The following KCNV2 variants were observed in gnomAD, a reference collection of about 807,000 sequenced individuals.
KCNV2 encodes potassium voltage-gated channel subfamily V member 2.
KCNV2 carries 65 observed loss-of-function variants against 37.0 expected under a neutral mutation model. The observed-to-expected ratio is 1.76, with a 90% CI of 1.44 to 2.16. The LOEUF (loss-of-function observed/expected upper bound fraction) is 2.16, where lower values mean the gene tolerates loss of function less well. Ranked by LOEUF, KCNV2 falls within the 30% of genes most tolerant of loss-of-function variation. The probability of loss-of-function intolerance (pLI) is 0.00; values close to 1 mark genes in which losing one functional copy is unlikely to be tolerated. For synonymous variants in KCNV2, 518 were observed against 328.6 expected (o/e 1.58, Z -6.23); for missense variants, 1,232 against 766.7 (o/e 1.61, Z -7.17).
At position 2,722,507 on chromosome 9, in the gene KCNV2, G is replaced by C. The variant is rs543398858; in HGVS notation, c.1356+3412G>C. Among the ~76,000 whole-genome samples the C allele has an allele frequency of 5.8e-3, 738 of 126,442 alleles. 15 individuals are homozygous for C. Among genetic ancestry groups the C allele is most frequent in the Non-Finnish European group, 9.9e-3 (625 of 63,264 alleles). 83.0% of individuals were successfully genotyped at this position (126,442 alleles called of 152,430 possible). A position where few individuals can be genotyped will look rare whatever the true frequency, so the allele number is the denominator to read the frequency against. ...ATAAATAGAAGTTATTTATAAATAA[G>C]TTATTTATAAATAAAAGTTATTTAT... On this transcript the variant is annotated intron_variant, in intron 1 of 1. Transcript: ENST00000382082.
chr9:2,723,812 C>T (rs757336105), intron 1 of KCNV2, among the ~76,000 whole-genome samples: 31 of 152,224 alleles, frequency 2.0e-4, no homozygotes, highest in Admixed American at 1.3e-4. Context: ...TCCAGATAAA[C>T]AGGCCCACGC....
intron 1 of KCNV2, among the ~76,000 whole-genome samples, chr9:2,725,974 T>G (rs1236358500): frequency 2.0e-5 from 3 of 152,332 alleles, no homozygotes; most frequent in African/African-American, 7.2e-5. Context: ...AAGGAAAGTA[T>G]GTACGTTTAC....
chr9:2,718,921 C>T lies in KCNV2; in HGVS notation c.1182C>T (p.Ser394=), dbSNP rs762855201. 29 of 1,609,236 alleles carry T rather than the reference C, an allele frequency of 1.8e-5. No homozygotes were observed. The highest frequency in any genetic ancestry group is 2.4e-5 in the Non-Finnish European group (28 of 1,179,998). ...GCATCCTCAAGCTGGCGCGCCACTC[C>T]ACCGGACTGCGTGCCTTCGGCTTCA... ...IFRILKLARH[S]TGLRAFGFTL... Residue 394 remains serine, a synonymous_variant, in exon 1 of 2, where the codon TCC becomes TCT. Coordinates refer to ENST00000382082, the MANE Select transcript of KCNV2 (RefSeq NM_133497.4).
At chr9:2,726,670 C>T (rs1190699854) in intron 1 of KCNV2, among the ~76,000 whole-genome samples, 3 of 152,132 alleles carry the variant, frequency 2.0e-5, no homozygotes, top group East Asian at 1.9e-4. Flanking sequence ...ATTGGACTTC[C>T]GTGGATGTCT....
intron 1 of KCNV2, among the ~76,000 whole-genome samples, chr9:2,726,668 TC>T (rs1487581299): frequency 6.6e-6 from 1 of 152,148 alleles, no homozygotes. Context: ...GCATTGGACT[TC>T]CGTGGATGTC....
At position 2,724,315 on chromosome 9, in the gene KCNV2, T is replaced by G. The variant is rs560058903; in HGVS notation, c.1357-5131T>G. Among the ~76,000 whole-genome samples the G allele has an allele frequency of 6.6e-5, 10 of 152,370 alleles. No homozygotes were observed. In the East Asian group the frequency reaches 1.9e-3, roughly 29 times the overall value. The stretch of plus-strand genomic sequence containing the variant: ...ACTTACAAGATCACTGAAATTATTT[T>G]ATTTTTGTTCATTGATTGCTTTGAG... On this transcript the variant is annotated intron_variant, in intron 1 of 1. Transcript: ENST00000382082.
In KCNV2 at chr9:2,718,647, A is replaced by C. The variant is rs775558767; in HGVS notation, c.908A>C (p.Glu303Ala). 6.2e-7 allele frequency: 1 copy of C among 1,613,246 alleles called. No individual in the cohort carries two copies. The highest frequency in any genetic ancestry group is 1.1e-5 in the South Asian group (1 of 91,084). Residue 303 changes from glutamate (E) to alanine (A), a missense_variant, in exon 1 of 2, where the codon GAG becomes GCG. Transcript: ENST00000382082. ...GGCCCAGACCTGCGGCCCATCCTGG[A>C]GCACGTGGAGATGCTGTGCATGGGC... The part of the protein sequence containing the change: ...EGGPDLRPIL[E>A]HVEMLCMGFF...
At position 2,718,419 on chromosome 9, in the gene KCNV2, A is replaced by C. The variant is rs1294428392; in HGVS notation, c.680A>C (p.Glu227Ala). 3.7e-6 allele frequency: 6 copies of C among 1,604,314 alleles called. No homozygotes were observed. Among genetic ancestry groups the C allele is most frequent in the Non-Finnish European group, 5.1e-6 (6 of 1,176,446 alleles). ...GAGCTGCGCGCGCAGGCGCAGGTCGAGGAGGCGGAGGAACTCTTCCGCGAC... is the reference window on the plus strand; with the variant it reads ...GAGCTGCGCGCGCAGGCGCAGGTCGCGGAGGCGGAGGAACTCTTCCGCGAC... The part of the protein sequence containing the change: ...QHELRAQAQV[E>A]EAEELFRDMR... The change falls in exon 1 of 2, where the codon GAG (glutamate) becomes GCG (alanine). Residue 227 changes from glutamate to alanine, a missense_variant. By Grantham distance (107) the Glu-to-Ala change is moderately radical. Transcript: ENST00000382082.
intron 1 of KCNV2, among the ~76,000 whole-genome samples, chr9:2,722,741 G>A (rs527815716): frequency 2.0e-5 from 3 of 152,114 alleles, no homozygotes; most frequent in Non-Finnish European, 4.4e-5. Context: ...AAAAGTCAGC[G>A]TATACTCTGA....
In KCNV2 at chr9:2,729,685, G is replaced by C; in HGVS notation, c.1596G>C (p.Leu532Phe). ...CCAGAAAGAAGATAGCTGAGTGTTTGCTTGGAAGCAACCCACAGCTCACCC... is the reference window on the plus strand; with the variant it reads ...CCAGAAAGAAGATAGCTGAGTGTTTCCTTGGAAGCAACCCACAGCTCACCC... Reference protein sequence around the residue: ...QRARKKIAECLLGSNPQLTPR... With the variant: ...QRARKKIAECFLGSNPQLTPR... The change falls in exon 2 of 2, where the codon TTG (leucine) becomes TTC (phenylalanine). Residue 532 changes from leucine to phenylalanine, a missense_variant. Transcript: ENST00000382082. 1 of 1,614,104 alleles carries C rather than the reference G, an allele frequency of 6.2e-7. No homozygotes were observed. The highest frequency in any genetic ancestry group is 1.1e-5 in the South Asian group (1 of 91,078).
chr9:2,727,486 CACTT>C (rs1352504345), intron 1 of KCNV2, among the ~76,000 whole-genome samples: 2 of 152,178 alleles, frequency 1.3e-5, no homozygotes, highest in African/African-American at 4.8e-5. Flanking sequence ...CCCACAATCT[CACTT>C]TATCACTGCC....
In KCNV2 at chr9:2,729,835, C is replaced by A. The variant is rs928466669; in HGVS notation, c.*108C>A. On this transcript the variant is annotated 3_prime_UTR_variant, in exon 2 of 2. Transcript: ENST00000382082. ...AAAGGAAATGTGAAGCAGACATACA[C>A]AAAGGCCATTTCGTTCACAAAGTAC... is the stretch of plus-strand genomic sequence containing the variant. 6.6e-6 allele frequency: 8 copies of A among 1,203,522 alleles called. No homozygotes were observed. The highest frequency in any genetic ancestry group is 3.0e-5 in the African/African-American group (2 of 65,922). The allele number at this position is 1,203,522 out of a possible 1,614,324, so 74.6% of individuals were successfully genotyped here. A position where few individuals can be genotyped will look rare whatever the true frequency, so the allele number is the denominator to read the frequency against.
At position 2,728,459 on chromosome 9, in the gene KCNV2, T is replaced by A. The variant is rs972485839; in HGVS notation, c.1357-987T>A. Among the ~76,000 whole-genome samples the A allele has an allele frequency of 1.3e-4, 20 of 152,272 alleles. No individual in the cohort carries two copies. The East Asian group carries it at 1.5e-3, about 12-fold the overall frequency. On this transcript the variant is annotated intron_variant, in intron 1 of 1. Coordinates refer to ENST00000382082, the MANE Select transcript of KCNV2 (RefSeq NM_133497.4). Reference sequence around the variant, plus strand: ...CAGTCCCCAAGGAATTTTCACAGGGTTTTCTCTGGTAACTGATAACTAGTC... The same window carrying A: ...CAGTCCCCAAGGAATTTTCACAGGGATTTCTCTGGTAACTGATAACTAGTC...
intron 1 of KCNV2, chr9:2,720,373 G>C (rs1247283603): frequency 6.6e-6 from 1 of 150,940 alleles, no homozygotes; most frequent in African/African-American, 2.4e-5. Context: ...ACATGTAAAA[G>C]TCTGCAGTTC....
In KCNV2 at chr9:2,717,775, C is replaced by G. The variant is rs1160930010; in HGVS notation, c.36C>G (p.Ser12Arg). ...LKQSERRRSW[S>R]YRPWNTTENE... ...AGAGTGAGAGGAGACGGTCCTGGAGCTACAGGCCCTGGAACACGACGGAGA... is the reference window on the plus strand; with the variant it reads ...AGAGTGAGAGGAGACGGTCCTGGAGGTACAGGCCCTGGAACACGACGGAGA... Residue 12 changes from serine to arginine, a missense_variant, in exon 1 of 2, where the codon AGC becomes AGG. Physicochemically the swap from Ser to Arg is moderately radical, Grantham distance 110. Transcript: ENST00000382082. 1 of 1,614,224 alleles carries G rather than the reference C, an allele frequency of 6.2e-7. No individual in the cohort carries two copies. The highest frequency in any genetic ancestry group is 8.5e-7 in the Non-Finnish European group (1 of 1,180,034).
In KCNV2 at chr9:2,718,185, ACTT is replaced by A. The variant is rs766549271; in HGVS notation, c.451_453del (p.Phe151del). ...GACTACGAGGAGCAGACAGACGAAT[ACTT>A]CTTCGACCGCGACCCGGCCGTCTTC... On this transcript the variant is annotated inframe_deletion, in exon 1 of 2. Coordinates refer to ENST00000382082, the MANE Select transcript of KCNV2 (RefSeq NM_133497.4). 3 of 1,613,104 alleles carry A rather than the reference ACTT, an allele frequency of 1.9e-6. No homozygotes were observed. The highest frequency in any genetic ancestry group is 2.2e-5 in the East Asian group (1 of 44,846).
Position 2,718,498 on chromosome 9 carries a change from AT to A in KCNV2, c.761del (p.Phe254SerfsTer68). 1 of 1,610,448 alleles carries A rather than the reference AT, an allele frequency of 6.2e-7. No individual in the cohort carries two copies. Among genetic ancestry groups the A allele is most frequent in the African/African-American group, 1.3e-5 (1 of 74,988 alleles). ...RRLWNLMEKP[F>X]SSVAAKAIGV... ...GCCTCTGGAACCTCATGGAGAAGCC[AT>A]TCTCCTCGGTGGCCGCCAAGGCCAT... On this transcript the variant is annotated frameshift_variant, in exon 1 of 2. Transcript: ENST00000382082. LOFTEE classifies it high-confidence loss of function.
At position 2,717,838 on chromosome 9, in the gene KCNV2, G is replaced by A. The variant is rs575726539; in HGVS notation, c.99G>A (p.Leu33=). 6.2e-7 allele frequency: 1 copy of A among 1,614,220 alleles called. No homozygotes were observed. The highest frequency in any genetic ancestry group is 1.3e-5 in the African/African-American group (1 of 75,072). Residue 33 remains leucine (L), a synonymous_variant, in exon 1 of 2, where the codon CTG becomes CTA. Transcript: ENST00000382082. ...AACACCGCAGGAGCATTTGCTCCCTGGGTGCCCGTTCCGGCTCCCAGGCCA... is the reference window on the plus strand; with the variant it reads ...AACACCGCAGGAGCATTTGCTCCCTAGGTGCCCGTTCCGGCTCCCAGGCCA... The part of the protein sequence containing the change: ...GSQHRRSICS[L]GARSGSQASI...
At chr9:2,724,573 C>G (rs7863628) in intron 1 of KCNV2, among the ~76,000 whole-genome samples, 2 of 152,086 alleles carry the variant, frequency 1.3e-5, no homozygotes, top group Non-Finnish European at 2.9e-5. Context: ...AAGGTGTTGC[C>G]ACCAGAAGCT....
Sources: gnomAD v4.1 joint callset for allele counts (sites outside exome capture counted in the v4.1 genomes callset) on GRCh38, gnomAD v4.1.1 for gene constraint, MANE v1.5 for transcripts, NCBI Gene and HGNC (gene_info 2026-07-23, HGNC 2026-07-21) for gene names.